Variants in PCSK5 observed in about 807,000 individuals in gnomAD.
PCSK5 encodes the protein prohormone convertase 5.
A neutral mutation model predicts 233.2 loss-of-function variants in PCSK5; 129 were observed. The ratio of observed to expected loss-of-function variants is 0.55; its 90% CI spans 0.48 to 0.64. The LOEUF (loss-of-function observed/expected upper bound fraction) is 0.64. PCSK5 is among the 30% of genes least tolerant of loss of function. The probability of loss-of-function intolerance (pLI) is 0.00; values close to 1 mark genes in which losing one functional copy is unlikely to be tolerated. For missense variants in PCSK5, 2,076 were observed against 2,430.1 expected (o/e 0.85, Z 3.06); for synonymous variants, 825 against 879.2 (o/e 0.94, Z 1.09).
At position 76,036,196 on chromosome 9, in the gene PCSK5, C is replaced by G. The variant is rs911083713; in HGVS notation, c.632+9159C>G. Among the ~76,000 whole-genome samples, 4 of 152,080 alleles carry G rather than the reference C, an allele frequency of 2.6e-5. 1 individual carries two copies. The highest frequency in any genetic ancestry group is 4.4e-5 in the Non-Finnish European group (3 of 68,010). ...AAAGGTTATAATTTTTGTATTCTAG[C>G]AATTTAGTTAATTACAATGCAAGCT... On this transcript the variant is annotated intron_variant, in intron 5 of 37. Coordinates refer to ENST00000674117, the MANE Select transcript of PCSK5 (RefSeq NM_001372043.1).
At chr9:76,227,973 CTTT>C (rs1303143941) in intron 21 of PCSK5, among the ~76,000 whole-genome samples, 3 of 142,710 alleles carry the variant, frequency 2.1e-5, no homozygotes, top group Non-Finnish European at 1.5e-5. Context: ...GTGAACTGTT[CTTT>C]TTTTTTTTTT....
At chr9:76,084,540 TC>T (rs1201866038) in intron 7 of PCSK5, among the ~76,000 whole-genome samples, 1 of 152,228 alleles carries the variant, frequency 6.6e-6, no homozygotes, top group African/African-American at 2.4e-5. Context: ...TTTGGTTCGT[TC>T]TGTTTATAGT....
chr9:75,902,000 G>A, intron 1 of PCSK5, among the ~76,000 whole-genome samples: 1 of 152,030 alleles, frequency 6.6e-6, no homozygotes. Flanking sequence ...CAGATTACCT[G>A]AGGTCAGGAG....
chr9:75,911,201 G>GTTTTTTTTT (rs71370772), intron 1 of PCSK5, among the ~76,000 whole-genome samples: 29 of 48,758 alleles, frequency 5.9e-4, no homozygotes, highest in Admixed American at 1.5e-3. Context: ...GAACATATAG[G>GTTTTTTTTT]TTTTTTTTTT....
intron 9 of PCSK5, among the ~76,000 whole-genome samples, chr9:76,110,019 A>G (rs1232544616): frequency 6.6e-6 from 1 of 152,172 alleles, no homozygotes; most frequent in East Asian, 1.9e-4. Flanking sequence ...TGCCTCACTC[A>G]TTTACCCAGC....
intron 35 of PCSK5, among the ~76,000 whole-genome samples, chr9:76,338,877 G>A (rs977923123): frequency 3.9e-5 from 6 of 151,942 alleles, no homozygotes; most frequent in African/African-American, 1.5e-4. Context: ...CATCTACCAA[G>A]GAGTCCAGGC....
chr9:76,174,871 T>G, intron 13 of PCSK5, 115 bp from the exon 14 acceptor site: 1 of 831,076 alleles, frequency 1.2e-6, no homozygotes. Flanking sequence ...GTGATTGATA[T>G]CCATCTGCCT....
intron 12 of PCSK5, among the ~76,000 whole-genome samples, chr9:76,163,673 G>T (rs555383586): frequency 2.0e-5 from 3 of 152,088 alleles, no homozygotes; most frequent in Admixed American, 2.0e-4. Context: ...CATGGAGGTC[G>T]AGTGTGTAGG....
chr9:75,956,235 G>A (rs975920338), intron 2 of PCSK5, among the ~76,000 whole-genome samples: 3 of 152,198 alleles, frequency 2.0e-5, no homozygotes, highest in Non-Finnish European at 4.4e-5. Context: ...CTTAGCATGA[G>A]CACGTACTCT....
intron 7 of PCSK5, among the ~76,000 whole-genome samples, chr9:76,091,293 T>C (rs895377411): frequency 1.4e-4 from 21 of 151,374 alleles, no homozygotes; most frequent in African/African-American, 4.8e-4. Context: ...TACATAGCCT[T>C]GCTTCTGTGC....
chr9:76,087,244 C>T (rs1300716449), intron 7 of PCSK5, among the ~76,000 whole-genome samples: 1 of 152,222 alleles, frequency 6.6e-6, no homozygotes, highest in Admixed American at 6.5e-5. Context: ...GAAATTGATT[C>T]TACTAAGCCT....
intron 30 of PCSK5, among the ~76,000 whole-genome samples, chr9:76,312,578 G>A (rs1828894574): frequency 6.6e-6 from 1 of 151,176 alleles, no homozygotes; most frequent in Non-Finnish European, 1.5e-5. Context: ...TTTCATTACT[G>A]AGATAGACTC....
chr9:75,944,181 A>G (rs562052926), intron 2 of PCSK5, among the ~76,000 whole-genome samples: 11 of 149,660 alleles, frequency 7.3e-5, no homozygotes, highest in South Asian at 4.2e-4. Context: ...AAGAAAGAAA[A>G]AAAATATATA....
At chr9:75,972,513 A>G (rs373748198) in intron 2 of PCSK5, among the ~76,000 whole-genome samples, 5 of 152,360 alleles carry the variant, frequency 3.3e-5, no homozygotes, top group African/African-American at 1.2e-4. Context: ...ATCCATGAGC[A>G]TGGAATGTTT....
rs1252144159 is a variant in PCSK5, at chr9:76,258,093, C to T, written c.3142+17409C>T. ...GCCCTGGGGACACTGGGAGAACAGTCCCCACTCAATCAGATCACCAGGGCA... is the reference window on the plus strand; with the variant it reads ...GCCCTGGGGACACTGGGAGAACAGTTCCCACTCAATCAGATCACCAGGGCA... On this transcript the variant is annotated intron_variant, in intron 24 of 37. Transcript: ENST00000674117. 2.6e-5 allele frequency among the ~76,000 whole-genome samples: 4 copies of T among 152,224 alleles called. 1 individual carries two copies. Among genetic ancestry groups the T allele is most frequent in the Middle Eastern group, 6.8e-3 (2 of 294 alleles).
intron 14 of PCSK5, among the ~76,000 whole-genome samples, chr9:76,178,177 G>C (rs1441959221): frequency 6.6e-6 from 1 of 152,098 alleles, no homozygotes; most frequent in Non-Finnish European, 1.5e-5. Context: ...CCACTCCCCT[G>C]GTGTACGATG....
In PCSK5 at chr9:76,147,419, T is replaced by C. The variant is rs528998099; in HGVS notation, c.1313-9626T>C. On this transcript the variant is annotated intron_variant, in intron 10 of 37. Transcript: ENST00000674117. ...CATGCCTATAGAGTCTCAGGACCTA[T>C]GCTGGAGAGGTTAGCCTAATTAATC... is the stretch of plus-strand genomic sequence containing the variant. Among the ~76,000 whole-genome samples the C allele has an allele frequency of 2.6e-5, 4 of 152,332 alleles. No individual in the cohort carries two copies. The South Asian group carries it at 8.3e-4, about 32-fold the overall frequency.
chr9:76,343,164 A>C, intron 35 of PCSK5, among the ~76,000 whole-genome samples: 1 of 79,610 alleles, frequency 1.3e-5, no homozygotes, highest in Non-Finnish European at 2.5e-5. Context: ...CTTAGGATAG[A>C]ATTTTTTTTT....
rs376963380 is a variant in PCSK5, at chr9:76,355,380, A to G, written c.5254+1161A>G. Among the ~76,000 whole-genome samples, 163 of 152,224 alleles carry G rather than the reference A, an allele frequency of 1.1e-3. 1 individual carries two copies. In the East Asian group the frequency reaches 0.021, roughly 20 times the overall value. On this transcript the variant is annotated intron_variant, in intron 37 of 37. Transcript: ENST00000674117. ...CCCAGCTACTCAGGAGGCTGAGGCAAGAGAATGGCGTGAACCCGGGAGGCA... is the reference window on the plus strand; with the variant it reads ...CCCAGCTACTCAGGAGGCTGAGGCAGGAGAATGGCGTGAACCCGGGAGGCA...
Sources: allele counts gnomAD v4.1 joint callset (sites outside exome capture counted in the v4.1 genomes callset), GRCh38; gene constraint gnomAD v4.1.1; transcripts MANE v1.5; gene names NCBI Gene and HGNC (gene_info 2026-07-23, HGNC 2026-07-21).